HS3ST4: variants seen among roughly 807,000 people sequenced by gnomAD.
HS3ST4 encodes the protein heparan sulfate-glucosamine 3-sulfotransferase 4, also known as heparan sulfate glucosamine 3-O-sulfotransferase 4.
Under a neutral mutation model 29.2 loss-of-function variants are expected in HS3ST4, and 17 were observed. That is an observed-to-expected ratio of 0.58 (90% CI 0.40 to 0.87). HS3ST4 has a LOEUF of 0.87. Among genes scored for constraint, HS3ST4 ranks in the 40% least tolerant of loss-of-function variants. The probability of loss-of-function intolerance (pLI) is 0.00; values close to 1 mark genes in which losing one functional copy is unlikely to be tolerated. For synonymous variants in HS3ST4, 314 were observed against 285.7 expected, an observed-to-expected ratio of 1.10 and a Z score of -1.00; for missense variants, 627 against 634.5, an observed-to-expected ratio of 0.99 and a Z score of 0.13.
At chr16:25,744,539 G>T (rs972595560) in intron 1 of HS3ST4, among the ~76,000 whole-genome samples, 1 of 145,556 alleles carries the variant, frequency 6.9e-6, no homozygotes, top group Non-Finnish European at 1.5e-5. Flanking sequence ...GTGTAACATG[G>T]TCTGTCATTT....
chr16:25,754,561 A>G (rs1966743775), intron 1 of HS3ST4, among the ~76,000 whole-genome samples: 1 of 152,080 alleles, frequency 6.6e-6, no homozygotes, highest in Non-Finnish European at 1.5e-5. Flanking sequence ...AAGGGGTTTT[A>G]ATTGACTCAC....
chr16:25,718,339 T>C (rs1296191026), intron 1 of HS3ST4, among the ~76,000 whole-genome samples: 1 of 152,120 alleles, frequency 6.6e-6, no homozygotes, highest in African/African-American at 2.4e-5. Flanking sequence ...TGAGATTCCT[T>C]TTCATGAATG....
In HS3ST4 at chr16:25,940,767, A is replaced by G. The variant is rs143297179; in HGVS notation, c.735-194845A>G. Among the ~76,000 whole-genome samples, 422 of 152,348 alleles carry G rather than the reference A, an allele frequency of 2.8e-3. 2 individuals are homozygous for G. The highest frequency in any genetic ancestry group is 9.9e-3 in the African/African-American group (411 of 41,582). ...TATGGATGAAAGTGCCAATCCAGGC[A>G]GAAGGTTTGCATTCAGAGTGAACAT... is the stretch of plus-strand genomic sequence containing the variant. On this transcript the variant is annotated intron_variant, in intron 1 of 1. Transcript: ENST00000331351.
At position 26,052,439 on chromosome 16, in the gene HS3ST4, C is replaced by T. The variant is rs181060540; in HGVS notation, c.735-83173C>T. ...AGGCTGGAGTGCAGTGCCACAATTT[C>T]GGCTCAATGCAACCTCTGCCTCCTG... is the stretch of plus-strand genomic sequence containing the variant. On this transcript the variant is annotated intron_variant, in intron 1 of 1. Coordinates refer to ENST00000331351, the MANE Select transcript of HS3ST4 (RefSeq NM_006040.3). Among the ~76,000 whole-genome samples the T allele has an allele frequency of 1.9e-3, 288 of 152,230 alleles. 2 individuals are homozygous for T. The highest frequency in any genetic ancestry group is 1.8e-3 in the Non-Finnish European group (120 of 68,016).
chr16:25,725,199 T>C (rs1468000414), intron 1 of HS3ST4, among the ~76,000 whole-genome samples: 1 of 152,172 alleles, frequency 6.6e-6, no homozygotes, highest in Non-Finnish European at 1.5e-5. Flanking sequence ...TTCTGAAAGA[T>C]GATTTTTCAC....
At chr16:25,973,879 G>A (rs549577815) in intron 1 of HS3ST4, among the ~76,000 whole-genome samples, 9 of 152,244 alleles carry the variant, frequency 5.9e-5, no homozygotes, top group Admixed American at 2.0e-4. Flanking sequence ...TTTATAGTCC[G>A]TGTGCCTAAA....
chr16:26,100,979 C>T (rs1326534839), intron 1 of HS3ST4, among the ~76,000 whole-genome samples: 1 of 152,184 alleles, frequency 6.6e-6, no homozygotes, highest in Non-Finnish European at 1.5e-5. Flanking sequence ...GCAGTCTTCC[C>T]CAGCTCAGAA....
At chr16:25,786,900 G>A (rs1275690356) in intron 1 of HS3ST4, among the ~76,000 whole-genome samples, 2 of 152,166 alleles carry the variant, frequency 1.3e-5, no homozygotes. Context: ...CAGCATGAAT[G>A]GAAAAAATTA....
At chr16:25,951,974 A>G (rs1220779566) in intron 1 of HS3ST4, among the ~76,000 whole-genome samples, 1 of 150,922 alleles carries the variant, frequency 6.6e-6, no homozygotes, top group Non-Finnish European at 1.5e-5. Flanking sequence ...GAACTTAAAA[A>G]AAAGAATTAA....
intron 1 of HS3ST4, among the ~76,000 whole-genome samples, chr16:26,001,670 G>A (rs980253553): frequency 7.2e-5 from 11 of 152,132 alleles, no homozygotes; most frequent in East Asian, 1.9e-4. Context: ...GAGATTTCAC[G>A]TCATTCTTTC....
chr16:26,022,991 G>A (rs575998464), intron 1 of HS3ST4, among the ~76,000 whole-genome samples: 1 of 152,126 alleles, frequency 6.6e-6, no homozygotes, highest in African/African-American at 2.4e-5. Flanking sequence ...GCAATGAGCC[G>A]AGGTCATGCC....
In HS3ST4 at chr16:25,692,954, G is replaced by A. The variant is rs1306910618; in HGVS notation, c.537G>A (p.Gly179=). 2 of 1,610,366 alleles carry A rather than the reference G, an allele frequency of 1.2e-6. No homozygotes were observed. Among genetic ancestry groups the A allele is most frequent in the African/African-American group, 1.3e-5 (1 of 74,994 alleles). ...TCGCAGGCCGGAGAGCGGCCAACGG[G>A]AGCAGCGAGAGGGGCGGCGCCGTCA... ...EDLAGRRAAN[G]SSERGGAVST... Residue 179 remains glycine, a synonymous_variant, in exon 1 of 2, where the codon GGG becomes GGA. Coordinates refer to ENST00000331351, the MANE Select transcript of HS3ST4 (RefSeq NM_006040.3).
At chr16:25,853,334 C>T (rs1484358946) in intron 1 of HS3ST4, among the ~76,000 whole-genome samples, 1 of 150,960 alleles carries the variant, frequency 6.6e-6, no homozygotes, top group African/African-American at 2.4e-5. Context: ...ATATATATTC[C>T]TCTGCAAACA....
intron 1 of HS3ST4, among the ~76,000 whole-genome samples, chr16:25,996,018 A>T (rs1969155838): frequency 6.8e-6 from 1 of 147,484 alleles, no homozygotes; most frequent in African/African-American, 2.5e-5. Context: ...AAAAAAAAAA[A>T]GATAGCATTT....
intron 1 of HS3ST4, among the ~76,000 whole-genome samples, chr16:25,946,982 T>C (rs532762090): frequency 6.6e-6 from 1 of 152,130 alleles, no homozygotes; most frequent in East Asian, 1.9e-4. Flanking sequence ...CTGAGCAGGG[T>C]CCAGACAGAA....
chr16:25,909,778 AT>A (rs1367285012), intron 1 of HS3ST4, among the ~76,000 whole-genome samples: 2 of 152,218 alleles, frequency 1.3e-5, no homozygotes, highest in African/African-American at 4.8e-5. Flanking sequence ...GTCTTGCTTT[AT>A]TTAATGAGAT....
intron 1 of HS3ST4, among the ~76,000 whole-genome samples, chr16:25,932,178 G>A (rs549955020): frequency 3.3e-5 from 5 of 152,174 alleles, no homozygotes; most frequent in South Asian, 2.1e-4. Flanking sequence ...GCTGGGTGTT[G>A]TGGCAGGTGC....
chr16:26,132,682 A>G (rs966056504), intron 1 of HS3ST4, among the ~76,000 whole-genome samples: 1 of 152,208 alleles, frequency 6.6e-6, no homozygotes, highest in Non-Finnish European at 1.5e-5. Context: ...TGCAAAGAGA[A>G]GCATTGAGGT....
At chr16:25,695,872 G>T (rs1462725030) in intron 1 of HS3ST4, among the ~76,000 whole-genome samples, 1 of 151,994 alleles carries the variant, frequency 6.6e-6, no homozygotes, top group Non-Finnish European at 1.5e-5. Flanking sequence ...TTCTGCACAT[G>T]TTTCTGGTTT....
Sources: gnomAD v4.1 joint callset for allele counts (sites outside exome capture counted in the v4.1 genomes callset) on GRCh38, gnomAD v4.1.1 for gene constraint, MANE v1.5 for transcripts, NCBI Gene and HGNC (gene_info 2026-07-23, HGNC 2026-07-21) for gene names.